The following NFATC3 variants were observed in gnomAD, a reference collection of about 807,000 sequenced individuals.
The protein encoded by NFATC3 is nuclear factor of activated T cells 3, also known as nuclear factor of activated T-cells, cytoplasmic 3.
NFATC3 carries 46 observed loss-of-function variants against 98.6 expected under a neutral mutation model. That is an observed-to-expected ratio of 0.47 (90% confidence interval 0.37 to 0.60). The LOEUF is 0.60. Ranked by LOEUF, NFATC3 falls within the 20% of genes least tolerant of loss-of-function variation. The pLI is 0.00. For missense variants in NFATC3, 1,256 were observed against 1,295.5 expected (o/e 0.97, Z 0.47); for synonymous variants, 512 against 472.2 (o/e 1.08, Z -1.09).
At chr16:68,138,911 C>T in intron 3 of NFATC3, 1 of 538,532 alleles carries the variant, frequency 1.9e-6, no homozygotes, top group Non-Finnish European at 2.8e-6. Context: ...GTATCCTTGA[C>T]CAAGTAACTT....
chr16:68,209,859 A>ACACACACACAC, intron 9 of NFATC3: 1 of 317,094 alleles, frequency 3.2e-6, no homozygotes. Flanking sequence ...AGACACACAC[A>ACACACACACAC]CACACACACT....
chr16:68,146,544 T>G (rs1320752656), intron 3 of NFATC3, among the ~76,000 whole-genome samples: 1 of 152,262 alleles, frequency 6.6e-6, no homozygotes, highest in Non-Finnish European at 1.5e-5. Context: ...TTTTTTCATT[T>G]TTATGCATAC....
In NFATC3 at chr16:68,122,942, A is replaced by G; in HGVS notation, c.1059A>G (p.Gly353=). ...TSEDQAAILP[G]KLELCSDDQG... ...AAGATCAAGCTGCCATACTACCAGG[A>G]AAATTAGAGCTGTGTTCAGATGACC... The change falls in exon 2 of 10, where the codon GGA becomes GGG. Residue 353 remains glycine (G), a synonymous_variant. Transcript: ENST00000346183. 6.2e-7 allele frequency: 1 copy of G among 1,614,228 alleles called. No homozygotes were observed. Among genetic ancestry groups the G allele is most frequent in the South Asian group, 1.1e-5 (1 of 91,086 alleles).
chr16:68,138,668 G>C (rs1404389089), intron 3 of NFATC3: 16 of 1,288,048 alleles, frequency 1.2e-5, no homozygotes, highest in Admixed American at 2.3e-5. Flanking sequence ...TTGGCTACAA[G>C]TAGTCACATG....
intron 2 of NFATC3, 26 bp downstream of exon 2, chr16:68,123,147 T>A: frequency 6.4e-7 from 1 of 1,571,290 alleles, no homozygotes; most frequent in Non-Finnish European, 8.6e-7. Context: ...TGGCTGCTGG[T>A]CATTTTTCAT....
Position 68,122,338 on chromosome 16 carries a change from C to T in NFATC3, c.455C>T (p.Pro152Leu). The T allele has an allele frequency of 1.2e-6, 2 of 1,614,148 alleles. No homozygotes were observed. The highest frequency in any genetic ancestry group is 1.7e-6 in the Non-Finnish European group (2 of 1,180,024). The change falls in exon 2 of 10, where the codon CCT becomes CTT. Residue 152 changes from proline to leucine, a missense_variant. By Grantham distance (98) the Pro-to-Leu change is moderately conservative. Around this residue, in one of 3 missense-constraint regions of NFATC3, gnomAD observed 464 missense variants for 465.7 expected, o/e 1.00. Coordinates refer to ENST00000346183, the MANE Select transcript of NFATC3 (RefSeq NM_173165.3). ...ERPSRDHLYL[P>L]LEPSYRESSL... Reference sequence around the variant, plus strand: ...CCTTCTAGAGATCATCTCTATCTTCCTCTTGAGCCATCCTACCGGGAGTCT... The same window carrying T: ...CCTTCTAGAGATCATCTCTATCTTCTTCTTGAGCCATCCTACCGGGAGTCT...
Position 68,190,796 on chromosome 16 carries a change from G to T in NFATC3, c.2127G>T (p.Glu709Asp), listed in dbSNP as rs928880070. 1 of 1,609,712 alleles carries T rather than the reference G, an allele frequency of 6.2e-7. No homozygotes were observed. ...TGATGAAGCAAGAACACAGAGAAGA[G>T]ATTGATTTGTCTTCAGTTCCATCTT... ...PVLMKQEHREEIDLSSVPSLP... is the reference protein window; with the variant it reads ...PVLMKQEHREDIDLSSVPSLP... The change falls in exon 9 of 10, where the codon GAG becomes GAT. Residue 709 changes from glutamate to aspartate, a missense_variant. Physicochemically the swap from Glu to Asp is conservative, Grantham distance 45. Coordinates refer to ENST00000346183, the MANE Select transcript of NFATC3 (RefSeq NM_173165.3).
chr16:68,157,449 C>G (rs1034296636), intron 3 of NFATC3, among the ~76,000 whole-genome samples: 3 of 152,146 alleles, frequency 2.0e-5, no homozygotes, highest in East Asian at 1.9e-4. Flanking sequence ...GGTTTTCAGA[C>G]TCTTTCTACT....
intron 7 of NFATC3, among the ~76,000 whole-genome samples, chr16:68,181,797 T>A (rs779740526): frequency 6.6e-6 from 1 of 151,920 alleles, no homozygotes; most frequent in Non-Finnish European, 1.5e-5. Flanking sequence ...CGTGGTGAGG[T>A]GCGCCTGTAG....
At chr16:68,115,119 A>C (rs2036203492) in intron 1 of NFATC3, among the ~76,000 whole-genome samples, 2 of 150,814 alleles carry the variant, frequency 1.3e-5, no homozygotes, top group Non-Finnish European at 1.5e-5. Flanking sequence ...GCTGGAATGC[A>C]GTGGTGCAAT....
chr16:68,196,285 A>G (rs908727163), intron 9 of NFATC3, among the ~76,000 whole-genome samples: 1 of 151,742 alleles, frequency 6.6e-6, no homozygotes, highest in African/African-American at 2.4e-5. Flanking sequence ...ACGCCCAGCT[A>G]ATTTTTGTAT....
intron 9 of NFATC3, among the ~76,000 whole-genome samples, chr16:68,214,594 T>A (rs1245470284): frequency 6.6e-6 from 1 of 152,218 alleles, no homozygotes; most frequent in Non-Finnish European, 1.5e-5. Context: ...AAGACTCTGC[T>A]TTTTAAACTT....
At position 68,228,604 on chromosome 16, in the gene NFATC3, T is replaced by G. The variant is rs1305246216; in HGVS notation, c.*2133T>G. On this transcript the variant is annotated 3_prime_UTR_variant, in exon 10 of 10. Transcript: ENST00000346183. ...TTAAAATAGAGCTTTGTATACTATG[T>G]AAGCAGTTTTATATCAGCTTTGTAA... 1 of 152,668 alleles carries G rather than the reference T, an allele frequency of 6.6e-6. No homozygotes were observed. Among genetic ancestry groups the G allele is most frequent in the Non-Finnish European group, 1.5e-5 (1 of 68,046 alleles). The allele number at this position is 152,668 out of a possible 1,614,324, so 9.5% of individuals were successfully genotyped here.
At chr16:68,085,877 C>A in intron 1 of NFATC3, 93 bp downstream of exon 1, 1 of 989,550 alleles carries the variant, frequency 1.0e-6, no homozygotes, top group East Asian at 3.3e-5. Flanking sequence ...TGACCGGAGA[C>A]CGATAACCCT....
chr16:68,179,396 A>G (rs1465650131), intron 6 of NFATC3, among the ~76,000 whole-genome samples: 1 of 152,346 alleles, frequency 6.6e-6, no homozygotes, highest in East Asian at 1.9e-4. Context: ...GGATCCAGCA[A>G]ATGGTTGCTG....
Position 68,122,522 on chromosome 16 carries a change from T to G in NFATC3, c.639T>G (p.Gly213=). 1.9e-6 allele frequency: 3 copies of G among 1,614,168 alleles called. No homozygotes were observed. Among genetic ancestry groups the G allele is most frequent in the Non-Finnish European group, 2.5e-6 (3 of 1,180,018 alleles). The change falls in exon 2 of 10, where the codon GGT becomes GGG. Residue 213 remains glycine, a synonymous_variant. Coordinates refer to ENST00000346183, the MANE Select transcript of NFATC3 (RefSeq NM_173165.3). ...FTLGSPLTSP[G]GSPGGCPGEE... is the part of the protein sequence containing the mutation. ...TTGGATCCCCTCTGACTTCTCCTGG[T>G]GGCTCTCCAGGGGGCTGCCCTGGAG...
intron 8 of NFATC3, among the ~76,000 whole-genome samples, chr16:68,190,330 C>T (rs1196631109): frequency 2.0e-5 from 3 of 152,126 alleles, no homozygotes; most frequent in South Asian, 2.1e-4. Context: ...TGGTAGGCTT[C>T]GGATCAGGGA....
At chr16:68,096,132 T>C (rs985232030) in intron 1 of NFATC3, among the ~76,000 whole-genome samples, 3 of 152,162 alleles carry the variant, frequency 2.0e-5, no homozygotes, top group Non-Finnish European at 4.4e-5. Flanking sequence ...AGCTAATTTT[T>C]AAAAATTGTT....
intron 4 of NFATC3, among the ~76,000 whole-genome samples, chr16:68,160,492 G>C (rs760215076): frequency 7.3e-5 from 11 of 151,570 alleles, no homozygotes. Context: ...ACCTTATTCT[G>C]TTAATTACTA....
Sources: gnomAD v4.1 joint callset for allele counts (sites outside exome capture counted in the v4.1 genomes callset) on GRCh38, gnomAD v4.1.1 for gene constraint, gnomAD v4.1.1 regional missense constraint, MANE v1.5 for transcripts, NCBI Gene and HGNC (gene_info 2026-07-23, HGNC 2026-07-21) for gene names.